STK32B: variants seen among roughly 807,000 people sequenced by gnomAD.
STK32B encodes serine/threonine-protein kinase 32B.
A neutral mutation model predicts 52.6 loss-of-function variants in STK32B; 43 were observed. That is an observed-to-expected ratio of 0.82 (90% CI 0.64 to 1.05). STK32B has a LOEUF of 1.05. Ranked by LOEUF, STK32B falls within the 50% of genes least tolerant of loss-of-function variation. The pLI, the probability that STK32B is intolerant of heterozygous loss-of-function variation, is 0.00. For synonymous variants in STK32B, 238 were observed against 204.3 expected (o/e 1.17, Z -1.41); for missense variants, 621 against 534.6 (o/e 1.16, Z -1.59).
intron 3 of STK32B, among the ~76,000 whole-genome samples, chr4:5,239,819 C>T (rs1050621260): frequency 1.3e-5 from 2 of 151,840 alleles, no homozygotes; most frequent in African/African-American, 4.8e-5. Context: ...TGGTCTCCAA[C>T]TTCATCTGCC....
chr4:5,291,920 G>GC (rs1283513496), intron 3 of STK32B, among the ~76,000 whole-genome samples: 1 of 152,056 alleles, frequency 6.6e-6, no homozygotes, highest in East Asian at 1.9e-4. Context: ...TATATTGCAT[G>GC]ATGCTGAGGT....
At chr4:5,265,139 T>G (rs1352589929) in intron 3 of STK32B, among the ~76,000 whole-genome samples, 1 of 152,208 alleles carries the variant, frequency 6.6e-6, no homozygotes, top group Non-Finnish European at 1.5e-5. Context: ...ATATAGATAA[T>G]CAGTTGTTCC....
chr4:5,326,894 C>G (rs1001697886), intron 3 of STK32B, among the ~76,000 whole-genome samples: 1 of 152,254 alleles, frequency 6.6e-6, no homozygotes, highest in Non-Finnish European at 1.5e-5. Flanking sequence ...TAGCATTTTG[C>G]CCACAGTAGA....
intron 3 of STK32B, among the ~76,000 whole-genome samples, chr4:5,172,460 C>A (rs1384559015): frequency 2.6e-5 from 4 of 151,734 alleles, no homozygotes; most frequent in Non-Finnish European, 4.4e-5. Context: ...ATAGATAGCT[C>A]TTATTATTTT....
At chr4:5,343,145 T>C (rs1733204342) in intron 4 of STK32B, among the ~76,000 whole-genome samples, 1 of 126,850 alleles carries the variant, frequency 7.9e-6, no homozygotes, top group African/African-American at 2.9e-5. Flanking sequence ...TTCCCCTTCC[T>C]GTGTCCGTGT....
At chr4:5,162,699 G>T (rs142388696) in intron 2 of STK32B, among the ~76,000 whole-genome samples, 1 of 152,316 alleles carries the variant, frequency 6.6e-6, no homozygotes, top group Non-Finnish European at 1.5e-5. Context: ...TGGCCAGATT[G>T]CTTGCTGTCA....
At chr4:5,174,011 A>AG (rs1480299337) in intron 3 of STK32B, among the ~76,000 whole-genome samples, 1 of 152,194 alleles carries the variant, frequency 6.6e-6, no homozygotes, top group Non-Finnish European at 1.5e-5. Context: ...ATATATATTT[A>AG]GGGTAGTTAG....
At chr4:5,140,594 A>G (rs752625974) in intron 2 of STK32B, among the ~76,000 whole-genome samples, 1 of 152,180 alleles carries the variant, frequency 6.6e-6, no homozygotes, top group Non-Finnish European at 1.5e-5. Flanking sequence ...GGAGCAGGTT[A>G]CCCTTGGCCA....
rs1165882641 is a variant in STK32B at position 5,470,926 on chromosome 4, C to T, written c.1106+2856C>T. 2.0e-5 allele frequency among the ~76,000 whole-genome samples: 3 copies of T among 152,234 alleles called. No homozygotes were observed. Among genetic ancestry groups the T allele is most frequent in the Admixed American group, 6.5e-5 (1 of 15,282 alleles). On this transcript the variant is annotated intron_variant, in intron 11 of 11. Transcript: ENST00000282908. The surrounding 1 kb of genome is among the most constrained non-coding windows in gnomAD (Gnocchi z 4.6). ...CGAGGGCTGGTCAGGGGGAGCCAAG[C>T]ATCAAGCCAGGCTTGTCGTCATGCT...
chr4:5,099,454 G>GCGCGTGCGCACGCACA (rs1553823530), intron 1 of STK32B, among the ~76,000 whole-genome samples: 3 of 129,744 alleles, frequency 2.3e-5, no homozygotes, highest in African/African-American at 7.7e-5. Context: ...GTGTGTGCGC[G>GCGCGTGCGCACGCACA]CGCGCGTATG....
chr4:5,441,412 T>C (rs1714739457), intron 6 of STK32B, among the ~76,000 whole-genome samples: 1 of 150,576 alleles, frequency 6.6e-6, no homozygotes, highest in South Asian at 2.2e-4. Flanking sequence ...TGTAGTATTC[T>C]CTGATGGTAG....
At chr4:5,057,524 T>C (rs1353982034) in intron 1 of STK32B, among the ~76,000 whole-genome samples, 3 of 152,312 alleles carry the variant, frequency 2.0e-5, no homozygotes, top group African/African-American at 4.8e-5. Context: ...TCTTTCTAGG[T>C]AAGACAAAAT....
chr4:5,095,358 T>C (rs933219317), intron 1 of STK32B, among the ~76,000 whole-genome samples: 2 of 152,204 alleles, frequency 1.3e-5, no homozygotes, highest in African/African-American at 4.8e-5. Context: ...CTTACACCTG[T>C]AATCCCACCA....
At chr4:5,113,891 A>G (rs568895433) in intron 1 of STK32B, among the ~76,000 whole-genome samples, 11 of 150,984 alleles carry the variant, frequency 7.3e-5, no homozygotes, top group Non-Finnish European at 1.3e-4. Flanking sequence ...GGATGGTGGC[A>G]GGCAAAAAGA....
chr4:5,306,672 A>G (rs779903229), intron 3 of STK32B, among the ~76,000 whole-genome samples: 7 of 152,014 alleles, frequency 4.6e-5, no homozygotes, highest in Non-Finnish European at 1.0e-4. Flanking sequence ...GTACTGTTCT[A>G]TTCATTGTGC....
At chr4:5,443,938 T>G (rs13125465) in intron 6 of STK32B, among the ~76,000 whole-genome samples, 25,632 of 152,206 alleles carry the variant, frequency 0.17, 2,395 homozygotes, top group East Asian at 0.34. Context: ...GGCACCCACT[T>G]GAGGAGGCAG....
the STK32B span, among the ~76,000 whole-genome samples, chr4:5,028,287 A>C: frequency 6.6e-6 from 1 of 152,142 alleles, no homozygotes; most frequent in South Asian, 2.1e-4. Context: ...CTGGGACTAC[A>C]GGGGCTCACC....
At chr4:5,294,331 G>C (rs1293270009) in intron 3 of STK32B, among the ~76,000 whole-genome samples, 1 of 151,770 alleles carries the variant, frequency 6.6e-6, no homozygotes, top group Non-Finnish European at 1.5e-5. Flanking sequence ...TAGCGTGATG[G>C]GAATAGCATT....
rs1240496767 is a variant in STK32B, at chr4:5,188,951, A to T, written c.260+20501A>T. Among the ~76,000 whole-genome samples, 3 of 152,182 alleles carry T rather than the reference A, an allele frequency of 2.0e-5. No homozygotes were observed. The East Asian group carries it at 5.8e-4, about 29-fold the overall frequency. On this transcript the variant is annotated intron_variant, in intron 3 of 11. Coordinates refer to ENST00000282908, the MANE Select transcript of STK32B (RefSeq NM_018401.3). The stretch of plus-strand genomic sequence containing the variant: ...TGAGTGCAGCAAACCAACATGGCAC[A>T]TGTATACCTATGTAACAAACCTGCA...
Sources: gnomAD v4.1 joint callset for allele counts (sites outside exome capture counted in the v4.1 genomes callset) on GRCh38, gnomAD v4.1.1 for gene constraint, Gnocchi (gnomAD v3.1) non-coding constraint, MANE v1.5 for transcripts, NCBI Gene and HGNC (gene_info 2026-07-23, HGNC 2026-07-21) for gene names.